The following ATP5PB variants were observed in gnomAD, a reference collection of about 807,000 sequenced individuals.
ATP5PB encodes ATP synthase peripheral stalk subunit b, mitochondrial.
Under a neutral mutation model 34.5 loss-of-function variants are expected in ATP5PB, and 21 were observed. That is an observed-to-expected ratio of 0.61 (90% confidence interval 0.43 to 0.88). The LOEUF is 0.88. ATP5PB is among the 40% of genes least tolerant of loss of function. The pLI is 0.00. For synonymous variants in ATP5PB, 108 were observed against 114.1 expected (o/e 0.95, Z 0.34); for missense variants, 293 against 317.4 (o/e 0.92, Z 0.58).
chr1:111,461,901 G>GGA lies in ATP5PB; in HGVS notation c.*907_*908insGA, dbSNP rs1553196739. The stretch of plus-strand genomic sequence containing the variant: ...GGGCAACAGACCTCGACTCCATCTA[G>GGA]AAAAAAAAAAAAAAAAATCCAGCAG... On this transcript the variant is annotated 3_prime_UTR_variant, in exon 7 of 7. Coordinates refer to ENST00000369722, the MANE Select transcript of ATP5PB (RefSeq NM_001688.5). 2.6e-5 allele frequency: 3 copies of GGA among 115,950 alleles called. No homozygotes were observed. Among genetic ancestry groups the GGA allele is most frequent in the Non-Finnish European group, 3.6e-5 (2 of 55,938 alleles). The allele number at this position is 115,950 out of a possible 1,614,324, so 7.2% of individuals were successfully genotyped here.
intron 5 of ATP5PB, among the ~76,000 whole-genome samples, chr1:111,458,149 A>G (rs1402192707): frequency 3.3e-5 from 5 of 152,258 alleles, no homozygotes; most frequent in Admixed American, 2.0e-4. Context: ...CAGAAAATAA[A>G]TAATTGAACA....
chr1:111,457,896 G>A (rs985430420), intron 5 of ATP5PB, among the ~76,000 whole-genome samples: 8 of 152,180 alleles, frequency 5.3e-5, no homozygotes, highest in South Asian at 2.1e-4. Flanking sequence ...ATACACACAC[G>A]TGAATGCATG....
Position 111,461,101 on chromosome 1 carries a change from A to C in ATP5PB, c.*107A>C. On this transcript the variant is annotated 3_prime_UTR_variant, in exon 7 of 7. Coordinates refer to ENST00000369722, the MANE Select transcript of ATP5PB (RefSeq NM_001688.5). ...TTGGTGTCTACTGAAGTTATAGTTT[A>C]CCCTTCCTAAAAATGAAAAGTTTGT... 9.7e-7 allele frequency: 1 copy of C among 1,026,678 alleles called. No individual in the cohort carries two copies. Among genetic ancestry groups the C allele is most frequent in the Non-Finnish European group, 1.4e-6 (1 of 695,084 alleles). 63.6% of individuals were successfully genotyped at this position (1,026,678 alleles called of 1,614,324 possible). A position where few individuals can be genotyped will look rare whatever the true frequency, so the allele number is the denominator to read the frequency against.
chr1:111,454,422 G>C, intron 3 of ATP5PB, 66 bp downstream of exon 3: 4 of 1,514,094 alleles, frequency 2.6e-6, no homozygotes, highest in Non-Finnish European at 3.5e-6. Flanking sequence ...AGTTAGGTGG[G>C]TTTTCTTCTT....
chr1:111,453,232 G>A (rs1653382343), intron 2 of ATP5PB, among the ~76,000 whole-genome samples: 1 of 152,094 alleles, frequency 6.6e-6, no homozygotes, highest in South Asian at 2.1e-4. Context: ...ACTGTTAAAA[G>A]TGTAGTCTTA....
intron 2 of ATP5PB, among the ~76,000 whole-genome samples, chr1:111,451,536 G>A (rs529278181): frequency 2.6e-5 from 4 of 152,174 alleles, no homozygotes; most frequent in African/African-American, 7.2e-5. Flanking sequence ...CCATGTTACC[G>A]GTGCCTAGCA....
chr1:111,452,515 G>A (rs976447070), intron 2 of ATP5PB, among the ~76,000 whole-genome samples: 6 of 152,344 alleles, frequency 3.9e-5, no homozygotes, highest in Middle Eastern at 6.8e-3. Context: ...AGGTTGCAGT[G>A]AGCTGAGATC....
In ATP5PB at chr1:111,459,646, A is replaced by G. The variant is rs1290921937; in HGVS notation, c.693+10A>G. On this transcript the variant is annotated intron_variant, in intron 6 of 6. Coordinates refer to ENST00000369722, the MANE Select transcript of ATP5PB (RefSeq NM_001688.5). ...CATCTCCACACAGCAGGTACACAAC[A>G]TTTTTGTAGGTTCTGATGTTGTACT... 21 of 1,612,522 alleles carry G rather than the reference A, an allele frequency of 1.3e-5. No individual in the cohort carries two copies. The highest frequency in any genetic ancestry group is 1.7e-5 in the Non-Finnish European group (20 of 1,179,048).
At chr1:111,459,971 C>T (rs1266571774) in intron 6 of ATP5PB, among the ~76,000 whole-genome samples, 1 of 152,148 alleles carries the variant, frequency 6.6e-6, no homozygotes, top group Non-Finnish European at 1.5e-5. Flanking sequence ...TCAAGACCAA[C>T]CTGGGCAACA....
chr1:111,461,811 G>A lies in ATP5PB; in HGVS notation c.*817G>A, dbSNP rs1653629264. 6.6e-6 allele frequency: 1 copy of A among 151,496 alleles called. No homozygotes were observed. The highest frequency in any genetic ancestry group is 2.4e-5 in the African/African-American group (1 of 41,194). 9.4% of individuals were successfully genotyped at this position (151,496 alleles called of 1,614,324 possible). On this transcript the variant is annotated 3_prime_UTR_variant, in exon 7 of 7. Coordinates refer to ENST00000369722, the MANE Select transcript of ATP5PB (RefSeq NM_001688.5). The stretch of plus-strand genomic sequence containing the variant: ...AGCTACTCAGGAGGCTGAGGCAGGA[G>A]AATTGCTTGAACGCAGGAGGCAAAG...
intron 1 of ATP5PB, 57 bp downstream of exon 1, chr1:111,449,638 A>G: frequency 6.4e-7 from 1 of 1,564,476 alleles, no homozygotes; most frequent in Non-Finnish European, 8.7e-7. Context: ...AAGCGAATCT[A>G]GGGGTGACAG....
Position 111,462,061 on chromosome 1 carries a change from A to C in ATP5PB, c.*1067A>C, listed in dbSNP as rs1257142966. 2 of 152,200 alleles carry C rather than the reference A, an allele frequency of 1.3e-5. No homozygotes were observed. Among genetic ancestry groups the C allele is most frequent in the Admixed American group, 6.5e-5 (1 of 15,278 alleles). 9.4% of individuals were successfully genotyped at this position (152,200 alleles called of 1,614,324 possible). ...GTGTGGTGATTCCTCATAAAATTAA[A>C]ATGGAAATACCATGATCCAGCAATC... On this transcript the variant is annotated 3_prime_UTR_variant, in exon 7 of 7. Transcript: ENST00000369722.
chr1:111,457,416 C>G (rs1653507783), intron 5 of ATP5PB, among the ~76,000 whole-genome samples: 1 of 151,972 alleles, frequency 6.6e-6, no homozygotes, highest in Admixed American at 6.5e-5. Context: ...ATGCAGCTTC[C>G]AAAACAATCT....
chr1:111,451,691 A>T (rs1448799692), intron 2 of ATP5PB, among the ~76,000 whole-genome samples: 1 of 152,174 alleles, frequency 6.6e-6, no homozygotes, highest in Non-Finnish European at 1.5e-5. Context: ...ATTGCTATAA[A>T]GTCATGGTAT....
intron 6 of ATP5PB, 139 bp downstream of exon 6, chr1:111,459,775 G>T (rs1653567490): frequency 1.1e-6 from 1 of 875,616 alleles, no homozygotes; most frequent in Non-Finnish European, 1.7e-6. Context: ...TGTTTTTCTG[G>T]ATAGTGATAA....
intron 2 of ATP5PB, among the ~76,000 whole-genome samples, chr1:111,453,701 T>C (rs939991485): frequency 6.6e-6 from 1 of 152,208 alleles, no homozygotes; most frequent in Non-Finnish European, 1.5e-5. Context: ...GCTAACCACT[T>C]ACGTAGAACT....
chr1:111,450,015 A>G, intron 2 of ATP5PB, 142 bp downstream of exon 2: 1 of 1,064,214 alleles, frequency 9.4e-7, no homozygotes, highest in Admixed American at 2.0e-5. Context: ...CAGACAAGAC[A>G]CTTGTTCCTG....
At chr1:111,458,580 A>G (rs537244925) in intron 5 of ATP5PB, among the ~76,000 whole-genome samples, 24 of 151,584 alleles carry the variant, frequency 1.6e-4, no homozygotes, top group South Asian at 6.2e-4. Context: ...GGGAGAATAA[A>G]AGGAGATAGA....
intron 3 of ATP5PB, among the ~76,000 whole-genome samples, chr1:111,455,207 G>A (rs569822878): frequency 6.6e-6 from 1 of 151,670 alleles, no homozygotes; most frequent in Non-Finnish European, 1.5e-5. Flanking sequence ...AACTGAAATT[G>A]CTAGAAACAT....
Sources: allele counts gnomAD v4.1 joint callset (sites outside exome capture counted in the v4.1 genomes callset), GRCh38; gene constraint gnomAD v4.1.1; transcripts MANE v1.5; gene names NCBI Gene and HGNC (gene_info 2026-07-23, HGNC 2026-07-21).